DYNC1H1: variants seen among roughly 807,000 people sequenced by gnomAD.
DYNC1H1 encodes dynein cytoplasmic 1 heavy chain 1, also known as cytoplasmic dynein 1 heavy chain 1.
A neutral mutation model predicts 527.1 loss-of-function variants in DYNC1H1; 51 were observed. The ratio of observed to expected loss-of-function variants is 0.10; its 90% CI spans 0.08 to 0.12. DYNC1H1 has a LOEUF of 0.12. Among genes scored for constraint, DYNC1H1 ranks in the 10% least tolerant of loss-of-function variants. The probability of loss-of-function intolerance (pLI) is 1.00; values close to 1 mark genes in which losing one functional copy is unlikely to be tolerated. For missense variants in DYNC1H1, 2,771 were observed against 5,971.8 expected (o/e 0.46, Z 17.66); for synonymous variants, 2,189 against 2,278.8 (o/e 0.96, Z 1.12).
chr14:101,996,929 AC>A, intron 15 of DYNC1H1, 105 bp from the exon 16 acceptor site: 1 of 1,475,916 alleles, frequency 6.8e-7, no homozygotes. Context: ...GGCCAGTCTT[AC>A]GTGTTTTATA....
chr14:102,044,827 T>C lies in DYNC1H1; in HGVS notation c.13006+129T>C, dbSNP rs1159120431. 2 of 1,094,344 alleles carry C rather than the reference T, an allele frequency of 1.8e-6. No homozygotes were observed. The highest frequency in any genetic ancestry group is 2.7e-6 in the Non-Finnish European group (2 of 744,594). The allele number at this position is 1,094,344 out of a possible 1,614,324, so 67.8% of individuals were successfully genotyped here. Reference sequence around the variant, plus strand: ...GTCCCAGGGCCCTCCCTGGTTATGCTGGGTGTGGCTCTGTCAGCCTCGGCC... The same window carrying C: ...GTCCCAGGGCCCTCCCTGGTTATGCCGGGTGTGGCTCTGTCAGCCTCGGCC... On this transcript the variant is annotated intron_variant, in intron 72 of 77. Coordinates refer to ENST00000360184, the MANE Select transcript of DYNC1H1 (RefSeq NM_001376.5). The surrounding 1 kb of genome is among the most constrained non-coding windows in gnomAD (Gnocchi z 7.1).
At position 101,985,562 on chromosome 14, in the gene DYNC1H1, G is replaced by A. The variant is rs1260207934; in HGVS notation, c.1462-125G>A. On this transcript the variant is annotated intron_variant, in intron 7 of 77. Coordinates refer to ENST00000360184, the MANE Select transcript of DYNC1H1 (RefSeq NM_001376.5). This position sits in a 1 kb window ranked among gnomAD's most constrained non-coding sequence, Gnocchi z 5.9. The stretch of plus-strand genomic sequence containing the variant: ...GCTGGTCTCGAACTCCTGACCTCAT[G>A]ATCCGCCTGCCTTGGCCTCCCAAAG... The A allele has an allele frequency of 2.3e-5, 22 of 976,782 alleles. No individual in the cohort carries two copies. The highest frequency in any genetic ancestry group is 1.2e-4 in the East Asian group (5 of 40,058). 60.5% of individuals were successfully genotyped at this position (976,782 alleles called of 1,614,324 possible).
chr14:101,979,235 A>G lies in DYNC1H1; in HGVS notation c.345-84A>G, dbSNP rs1047596436. ...TTCACTATTAGAAAAGCAACACTTC[A>G]GTATATTCTTGTATGATTTTTAAAT... On this transcript the variant is annotated intron_variant, in intron 2 of 77. Transcript: ENST00000360184. This position sits in a 1 kb window ranked among gnomAD's most constrained non-coding sequence, Gnocchi z 4.6. 1.8e-5 allele frequency: 24 copies of G among 1,348,852 alleles called. No homozygotes were observed. In the Admixed American group the frequency reaches 4.0e-4, roughly 23 times the overall value. The allele number at this position is 1,348,852 out of a possible 1,614,324, so 83.6% of individuals were successfully genotyped here. A position where few individuals can be genotyped will look rare whatever the true frequency, so the allele number is the denominator to read the frequency against.
At chr14:101,977,569 A>G (rs763400562) in intron 2 of DYNC1H1, among the ~76,000 whole-genome samples, 1 of 152,234 alleles carries the variant, frequency 6.6e-6, no homozygotes, top group Non-Finnish European at 1.5e-5. Flanking sequence ...TTCTCTAATT[A>G]TAGTACATGT....
chr14:102,030,024 C>CT, intron 50 of DYNC1H1, 86 bp downstream of exon 50: 1 of 1,608,940 alleles, frequency 6.2e-7, no homozygotes, highest in Non-Finnish European at 8.5e-7. Context: ...CCAAATGGGT[C>CT]TTAGGGTTAG....
rs761048563 is a variant in DYNC1H1, at chr14:101,964,668, C to G, written c.-24C>G. 5 of 1,575,194 alleles carry G rather than the reference C, an allele frequency of 3.2e-6. No homozygotes were observed. Among genetic ancestry groups the G allele is most frequent in the Non-Finnish European group, 4.3e-6 (5 of 1,166,722 alleles). On this transcript the variant is annotated 5_prime_UTR_variant, in exon 1 of 78. Coordinates refer to ENST00000360184, the MANE Select transcript of DYNC1H1 (RefSeq NM_001376.5). The surrounding 1 kb of genome is among the most constrained non-coding windows in gnomAD (Gnocchi z 5.5). ...AGTCGCGGCCGCCTTCTCATCGCTC[C>G]TGGAAGGTCCCGAGCGCGACACCAT...
chr14:101,980,689 T>A, intron 5 of DYNC1H1, 139 bp downstream of exon 5: 1 of 1,007,400 alleles, frequency 9.9e-7, no homozygotes, highest in Non-Finnish European at 1.5e-6. Flanking sequence ...ACATCACATC[T>A]TATCTTTCCC....
At chr14:101,974,547 G>A (rs2047778364) in intron 1 of DYNC1H1, among the ~76,000 whole-genome samples, 1 of 152,168 alleles carries the variant, frequency 6.6e-6, no homozygotes, top group Non-Finnish European at 1.5e-5. Flanking sequence ...TTTAGGCATT[G>A]CATGGATTAG....
chr14:101,979,572 G>A lies in DYNC1H1; in HGVS notation c.518+80G>A. ...GAACTCGGTGTAAAACTTGGGAATT[G>A]GGAGGGTAACGCTAGTGAGCCGAGG... On this transcript the variant is annotated intron_variant, in intron 3 of 77. Transcript: ENST00000360184. This position sits in a 1 kb window ranked among gnomAD's most constrained non-coding sequence, Gnocchi z 4.6. The A allele has an allele frequency of 6.2e-7, 1 of 1,607,608 alleles. No homozygotes were observed. Among genetic ancestry groups the A allele is most frequent in the South Asian group, 1.1e-5 (1 of 90,396 alleles).
chr14:102,034,035 A>C lies in DYNC1H1; in HGVS notation c.10473A>C (p.Lys3491Asn), dbSNP rs201109134. The C allele has an allele frequency of 1.2e-6, 2 of 1,614,124 alleles. No individual in the cohort carries two copies. The highest frequency in any genetic ancestry group is 1.7e-5 in the Admixed American group (1 of 60,020). ...CTGCTGAACGTGAACGATGGGAAAA[A>C]ACAAGTGAAACTTTCAAAAACCAGA... ...SLSAERERWEKTSETFKNQMS... is the reference protein window; with the variant it reads ...SLSAERERWENTSETFKNQMS... Residue 3491 changes from lysine to asparagine, a missense_variant, in exon 55 of 78, where the codon AAA (lysine) becomes AAC (asparagine). This residue lies in a region of DYNC1H1 where 283 missense variants were observed against 737.6 expected (regional missense o/e 0.38). Transcript: ENST00000360184.
chr14:102,048,156 C>G (rs1386782392), intron 73 of DYNC1H1, 128 bp downstream of exon 73: 1 of 1,239,666 alleles, frequency 8.1e-7, no homozygotes, highest in African/African-American at 1.5e-5. Flanking sequence ...GGTGTCACCT[C>G]AGAGCAGGTG....
chr14:101,996,787 A>G (rs1201075545), intron 15 of DYNC1H1, among the ~76,000 whole-genome samples: 3 of 151,854 alleles, frequency 2.0e-5, no homozygotes, highest in Admixed American at 1.3e-4. Flanking sequence ...ATGCCTGGCT[A>G]ATTTTTTTCT....
Position 102,041,570 on chromosome 14 carries a change from T to C in DYNC1H1, c.11942-4T>C, listed in dbSNP as rs1344230755. On this transcript the variant is annotated splice_region_variant and splice_polypyrimidine_tract_variant and intron_variant, in intron 64 of 77. Coordinates refer to ENST00000360184, the MANE Select transcript of DYNC1H1 (RefSeq NM_001376.5). This position sits in a 1 kb window ranked among gnomAD's most constrained non-coding sequence, Gnocchi z 4.5. ...CAGCACCCACCCCTCTGTACCTGTT[T>C]CAGCACCCATTGGCCAGGCCATCCA... 1.9e-6 allele frequency: 3 copies of C among 1,613,890 alleles called. No homozygotes were observed. The African/African-American group carries it at 4.0e-5, about 22-fold the overall frequency.
chr14:102,044,052 G>A lies in DYNC1H1; in HGVS notation c.12684+7G>A. 1 of 1,613,486 alleles carries A rather than the reference G, an allele frequency of 6.2e-7. No individual in the cohort carries two copies. Among genetic ancestry groups the A allele is most frequent in the Non-Finnish European group, 8.5e-7 (1 of 1,180,038 alleles). ...GCTGGATGACACGGCCAAGGCAAGTGTGGGCCATGCCAGGACAGACAGTGG... is the reference window on the plus strand; with the variant it reads ...GCTGGATGACACGGCCAAGGCAAGTATGGGCCATGCCAGGACAGACAGTGG... On this transcript the variant is annotated splice_region_variant and intron_variant, in intron 70 of 77. Transcript: ENST00000360184. The surrounding 1 kb of genome is among the most constrained non-coding windows in gnomAD (Gnocchi z 7.1).
In DYNC1H1 at chr14:102,027,026, G is replaced by A; in HGVS notation, c.8772-148G>A. 3.0e-6 allele frequency: 3 copies of A among 997,440 alleles called. No individual in the cohort carries two copies. Among genetic ancestry groups the A allele is most frequent in the Non-Finnish European group, 4.8e-6 (3 of 628,694 alleles). The allele number at this position is 997,440 out of a possible 1,614,324, so 61.8% of individuals were successfully genotyped here. On this transcript the variant is annotated intron_variant, in intron 44 of 77. Coordinates refer to ENST00000360184, the MANE Select transcript of DYNC1H1 (RefSeq NM_001376.5). This position sits in a 1 kb window ranked among gnomAD's most constrained non-coding sequence, Gnocchi z 7.7. ...CTTACTGGTCTTTGCATTCCTCCTG[G>A]ACTTCACAAATAACAGTTGCTCAGC...
intron 17 of DYNC1H1, 59 bp downstream of exon 17, chr14:102,000,203 A>T: frequency 6.2e-7 from 1 of 1,614,104 alleles, no homozygotes; most frequent in Non-Finnish European, 8.5e-7. Flanking sequence ...TCTGCCATTG[A>T]CTTTGTTCAT....
Position 102,007,027 on chromosome 14 carries a change from A to G in DYNC1H1, c.5736A>G (p.Lys1912=). ...AAACAGGACCTGCTGGAACTGGGAA[A>G]ACAGAGTCTGTCAAAGCTCTTGGCC... ...GSPFGPAGTG[K]TESVKALGHQ... is the part of the protein sequence containing the mutation. Residue 1912 remains lysine (K), a synonymous_variant, in exon 28 of 78, where the codon AAA becomes AAG. Coordinates refer to ENST00000360184, the MANE Select transcript of DYNC1H1 (RefSeq NM_001376.5). 1 of 1,614,244 alleles carries G rather than the reference A, an allele frequency of 6.2e-7. No individual in the cohort carries two copies. The highest frequency in any genetic ancestry group is 8.5e-7 in the Non-Finnish European group (1 of 1,180,050).
intron 15 of DYNC1H1, among the ~76,000 whole-genome samples, chr14:101,996,100 T>C (rs2048058473): frequency 6.6e-6 from 1 of 151,792 alleles, no homozygotes; most frequent in African/African-American, 2.4e-5. Context: ...TCAGTGCAGA[T>C]ACTGGGCATC....
At chr14:102,040,118 T>C (rs1029846894) in intron 62 of DYNC1H1, 118 bp from the exon 63 acceptor site, 1 of 1,390,640 alleles carries the variant, frequency 7.2e-7, no homozygotes, top group South Asian at 1.2e-5. Context: ...GTGCTGAGAT[T>C]ATAGGCCTGA....
Sources: allele counts gnomAD v4.1 joint callset (sites outside exome capture counted in the v4.1 genomes callset), GRCh38; gene constraint gnomAD v4.1.1; regional missense constraint gnomAD v4.1.1; non-coding constraint Gnocchi (gnomAD v3.1); transcripts MANE v1.5; gene names NCBI Gene and HGNC (gene_info 2026-07-23, HGNC 2026-07-21).